The following KDM2A variants were observed in gnomAD, a reference collection of about 807,000 sequenced individuals.
KDM2A encodes lysine-specific demethylase 2A.
KDM2A carries 3 observed loss-of-function variants against 137.3 expected under a neutral mutation model. The observed-to-expected ratio is 0.02, with a 90% confidence interval of 0.01 to 0.06. KDM2A has a LOEUF of 0.06. Ranked by LOEUF, KDM2A falls within the 10% of genes least tolerant of loss-of-function variation. The probability of loss-of-function intolerance (pLI) is 1.00; values close to 1 mark genes in which losing one functional copy is unlikely to be tolerated. For synonymous variants in KDM2A, 512 were observed against 541.5 expected, an observed-to-expected ratio of 0.95 and a Z score of 0.76; for missense variants, 738 against 1,510.6, an observed-to-expected ratio of 0.49 and a Z score of 8.48.
chr11:67,180,286 G>T (rs1484610224), intron 3 of KDM2A, 69 bp downstream of exon 3: 6 of 1,497,440 alleles, frequency 4.0e-6, no homozygotes, highest in Middle Eastern at 3.6e-4. Context: ...AGCATTGGGG[G>T]TTTAGCCTTT....
chr11:67,168,584 C>A (rs1456082395), intron 2 of KDM2A, among the ~76,000 whole-genome samples: 1 of 4,632 alleles, frequency 2.2e-4, no homozygotes, highest in African/African-American at 1.9e-3. Context: ...ATGAATTATA[C>A]ACACACACAC....
chr11:67,145,411 A>G (rs1002133211), intron 2 of KDM2A, among the ~76,000 whole-genome samples: 1 of 151,364 alleles, frequency 6.6e-6, no homozygotes, highest in African/African-American at 2.4e-5. Flanking sequence ...AATTGCTTGA[A>G]CCCGGGAGGT....
Position 67,228,526 on chromosome 11 carries a change from A to G in KDM2A, c.1084+363A>G, listed in dbSNP as rs115691776. 6.2e-4 allele frequency among the ~76,000 whole-genome samples: 94 copies of G among 151,986 alleles called. 3 individuals carry two copies. The highest frequency in any genetic ancestry group is 2.1e-3 in the African/African-American group (88 of 41,478). ...GGAAACATGGCAAAACCCCATCTCT[A>G]CAGAAACTACAGAAAATTGGGTAGG... On this transcript the variant is annotated intron_variant, in intron 11 of 20. Coordinates refer to ENST00000529006, the MANE Select transcript of KDM2A (RefSeq NM_012308.3).
At chr11:67,130,920 C>T (rs1855840633) in intron 2 of KDM2A, among the ~76,000 whole-genome samples, 1 of 151,288 alleles carries the variant, frequency 6.6e-6, no homozygotes, top group Admixed American at 6.6e-5. Context: ...CATGACTTGC[C>T]CAAGATCACA....
At chr11:67,215,116 T>A (rs899251430) in intron 6 of KDM2A, among the ~76,000 whole-genome samples, 3 of 152,216 alleles carry the variant, frequency 2.0e-5, no homozygotes, top group African/African-American at 7.2e-5. Context: ...TCTTTACTAT[T>A]ATCATTTGAT....
rs1218064993 is a variant in KDM2A, at chr11:67,252,278, C to T, written c.2769-416C>T. The stretch of plus-strand genomic sequence containing the variant: ...TGCGAGTGATTGACAAGGGAGGGAA[C>T]GGAGCAGGCCTTCTTAGCTTTAGAC... On this transcript the variant is annotated intron_variant, in intron 17 of 20. Coordinates refer to ENST00000529006, the MANE Select transcript of KDM2A (RefSeq NM_012308.3). 6 of 200,086 alleles carry T rather than the reference C, an allele frequency of 3.0e-5. No individual in the cohort carries two copies. The East Asian group carries it at 3.9e-4, about 13-fold the overall frequency. The allele number at this position is 200,086 out of a possible 1,614,324, so 12.4% of individuals were successfully genotyped here. A position where few individuals can be genotyped will look rare whatever the true frequency, so the allele number is the denominator to read the frequency against.
rs188266227 is a variant in KDM2A at position 67,163,051 on chromosome 11, A to G, written c.43-17028A>G. On this transcript the variant is annotated intron_variant, in intron 2 of 20. Coordinates refer to ENST00000529006, the MANE Select transcript of KDM2A (RefSeq NM_012308.3). ...AAAGTTAGGAATTGAACTGTATCCTACTTTTGTTAGTTACTTCTCTTCTCC... is the reference window on the plus strand; with the variant it reads ...AAAGTTAGGAATTGAACTGTATCCTGCTTTTGTTAGTTACTTCTCTTCTCC... 6.6e-5 allele frequency among the ~76,000 whole-genome samples: 10 copies of G among 152,262 alleles called. No homozygotes were observed. The East Asian group carries it at 1.9e-3, about 29-fold the overall frequency.
At chr11:67,146,500 C>T (rs1856251432) in intron 2 of KDM2A, among the ~76,000 whole-genome samples, 1 of 151,816 alleles carries the variant, frequency 6.6e-6, no homozygotes, top group African/African-American at 2.4e-5. Context: ...GATTCTCTCT[C>T]TTTGTCTGTC....
intron 2 of KDM2A, among the ~76,000 whole-genome samples, chr11:67,159,597 A>G (rs1374366600): frequency 6.6e-6 from 1 of 152,138 alleles, no homozygotes; most frequent in African/African-American, 2.4e-5. Flanking sequence ...TAACCTGCAG[A>G]TTTTCCCATT....
chr11:67,224,792 C>A (rs1858482601), intron 10 of KDM2A, among the ~76,000 whole-genome samples: 1 of 148,520 alleles, frequency 6.7e-6, no homozygotes, highest in South Asian at 2.1e-4. Context: ...TCATTTTCCC[C>A]AATGATACTC....
chr11:67,246,341 C>T (rs1359656746), intron 15 of KDM2A, among the ~76,000 whole-genome samples: 4 of 152,112 alleles, frequency 2.6e-5, no homozygotes. Context: ...AGACCCAGTT[C>T]CTGTCCTCAT....
intron 5 of KDM2A, among the ~76,000 whole-genome samples, chr11:67,200,432 T>G (rs1321689286): frequency 6.6e-6 from 1 of 152,164 alleles, no homozygotes; most frequent in Non-Finnish European, 1.5e-5. Context: ...TTAGCCAGGA[T>G]GATCGCGATC....
intron 6 of KDM2A, 96 bp from the exon 7 acceptor site, chr11:67,215,244 A>T: frequency 2.9e-6 from 2 of 680,450 alleles, no homozygotes; most frequent in Admixed American, 5.4e-5. Flanking sequence ...GTTTTTTGTT[A>T]TGTATTTTAA....
intron 12 of KDM2A, among the ~76,000 whole-genome samples, chr11:67,235,664 T>C (rs555007316): frequency 1.5e-4 from 23 of 151,040 alleles, no homozygotes; most frequent in Non-Finnish European, 3.1e-4. Flanking sequence ...CTCTGTCACC[T>C]AGGCTGGGGT....
Position 67,240,696 on chromosome 11 carries a change from C to G in KDM2A, c.1480-2313C>G, listed in dbSNP as rs929092884. Among the ~76,000 whole-genome samples, 9 of 152,270 alleles carry G rather than the reference C, an allele frequency of 5.9e-5. No homozygotes were observed. The East Asian group carries it at 1.2e-3, about 20-fold the overall frequency. On this transcript the variant is annotated intron_variant, in intron 12 of 20. Transcript: ENST00000529006. ...AGCCGAGATAGGCGTCAGCCTTTCCCGCACTCCACCCCCGCTCTCCTATCC... is the reference window on the plus strand; with the variant it reads ...AGCCGAGATAGGCGTCAGCCTTTCCGGCACTCCACCCCCGCTCTCCTATCC...
At chr11:67,152,905 A>AGTGT (rs146532672) in intron 2 of KDM2A, among the ~76,000 whole-genome samples, 81 of 142,728 alleles carry the variant, frequency 5.7e-4, no homozygotes, top group African/African-American at 1.3e-3. Flanking sequence ...ACAGTGCCAG[A>AGTGT]GTGTGTGTGT....
At position 67,254,588 on chromosome 11, in the gene KDM2A, G is replaced by T. The variant is rs1590835155; in HGVS notation, c.3307+170G>T. ...TCTATCCCTTTTTTAACTGATGGGG[G>T]ACTGAGGCCTTGAGTAGTTAAGTCG... On this transcript the variant is annotated intron_variant, in intron 20 of 20. Transcript: ENST00000529006. The surrounding 1 kb of genome is among the most constrained non-coding windows in gnomAD (Gnocchi z 4.7). 8.9e-6 allele frequency: 6 copies of T among 675,200 alleles called. No individual in the cohort carries two copies. In the East Asian group the frequency reaches 1.6e-4, roughly 18 times the overall value. 41.8% of individuals were successfully genotyped at this position (675,200 alleles called of 1,614,324 possible).
At chr11:67,237,110 T>C (rs1248384701) in intron 12 of KDM2A, among the ~76,000 whole-genome samples, 1 of 152,212 alleles carries the variant, frequency 6.6e-6, no homozygotes, top group African/African-American at 2.4e-5. Context: ...AATTTATTAC[T>C]ACAACATTAT....
chr11:67,185,402 C>T (rs1344183868), intron 5 of KDM2A, among the ~76,000 whole-genome samples: 3 of 152,010 alleles, frequency 2.0e-5, no homozygotes, highest in Admixed American at 1.3e-4. Context: ...GAGGCCAAGG[C>T]GGGTGGATCA....
Sources: allele counts gnomAD v4.1 joint callset (sites outside exome capture counted in the v4.1 genomes callset), GRCh38; gene constraint gnomAD v4.1.1; non-coding constraint Gnocchi (gnomAD v3.1); transcripts MANE v1.5; gene names NCBI Gene and HGNC (gene_info 2026-07-23, HGNC 2026-07-21).